EPB41L4B: variants seen among roughly 807,000 people sequenced by gnomAD.
EPB41L4B encodes the protein erythrocyte membrane protein band 4.1 like 4B.
A neutral mutation model predicts 112.5 loss-of-function variants in EPB41L4B; 30 were observed. That is an observed-to-expected ratio of 0.27 (90% CI 0.20 to 0.36). The LOEUF is 0.36. EPB41L4B is among the 10% of genes least tolerant of loss of function. EPB41L4B has a pLI of 1.00. For synonymous variants in EPB41L4B, 408 were observed against 439.7 expected (o/e 0.93, Z 0.90); for missense variants, 1,024 against 1,133.3 (o/e 0.90, Z 1.38).
At chr9:109,267,388 A>G (rs1459763657) in intron 4 of EPB41L4B, 85 bp downstream of exon 4, 6 of 800,306 alleles carry the variant, frequency 7.5e-6, no homozygotes, top group Non-Finnish European at 8.4e-6. Flanking sequence ...ACAGAAGAAG[A>G]GGCAAACCCA....
chr9:109,223,308 T>C (rs1036860744), intron 15 of EPB41L4B, among the ~76,000 whole-genome samples: 1 of 151,884 alleles, frequency 6.6e-6, no homozygotes, highest in South Asian at 2.1e-4. Context: ...TGGTGGCACA[T>C]ACTGTGGTCC....
intron 2 of EPB41L4B, among the ~76,000 whole-genome samples, chr9:109,278,090 G>A (rs1835903748): frequency 6.6e-6 from 1 of 152,192 alleles, no homozygotes; most frequent in Admixed American, 6.5e-5. Flanking sequence ...CAGTCATGAG[G>A]TCAGAGGGTA....
At chr9:109,306,754 C>T (rs569009700) in intron 1 of EPB41L4B, among the ~76,000 whole-genome samples, 1 of 152,164 alleles carries the variant, frequency 6.6e-6, no homozygotes, top group Admixed American at 6.5e-5. Flanking sequence ...TCTAAGCATG[C>T]AGTAAACATC....
intron 20 of EPB41L4B, among the ~76,000 whole-genome samples, chr9:109,199,289 C>T (rs1034918290): frequency 5.3e-5 from 8 of 152,140 alleles, no homozygotes; most frequent in Non-Finnish European, 1.0e-4. Flanking sequence ...CAATGATCCC[C>T]GTCCTAGTAT....
rs1443439947 is a variant in EPB41L4B, at chr9:109,320,823, G to A, written c.-377C>T. Reference sequence around the variant, plus strand: ...CGGGGGCGCGGGAGGCGGGCTGCGGGCTGCTCCCGCGCCGCGCGCCGGCCG... The same window carrying A: ...CGGGGGCGCGGGAGGCGGGCTGCGGACTGCTCCCGCGCCGCGCGCCGGCCG... On this transcript the variant is annotated 5_prime_UTR_variant, in exon 1 of 26. Transcript: ENST00000374566. 6.9e-6 allele frequency: 1 copy of A among 145,382 alleles called. No individual in the cohort carries two copies. The highest frequency in any genetic ancestry group is 1.5e-5 in the Non-Finnish European group (1 of 65,464). 9.0% of individuals were successfully genotyped at this position (145,382 alleles called of 1,614,324 possible).
chr9:109,207,921 C>G lies in EPB41L4B; in HGVS notation c.1878+3G>C. ...ATCAAAGGAATGTATGCATTCTGCG[C>G]ACCTGGATGTTCACTCGGGAAGCAT... On this transcript the variant is annotated splice_donor_region_variant and intron_variant, in intron 18 of 25. Transcript: ENST00000374566. 1 of 1,614,118 alleles carries G rather than the reference C, an allele frequency of 6.2e-7. No individual in the cohort carries two copies. Among genetic ancestry groups the G allele is most frequent in the Middle Eastern group, 1.6e-4 (1 of 6,062 alleles).
chr9:109,221,840 T>C (rs1275126439), intron 15 of EPB41L4B, among the ~76,000 whole-genome samples: 1 of 152,144 alleles, frequency 6.6e-6, no homozygotes, highest in African/African-American at 2.4e-5. Flanking sequence ...TTGGAAAGCT[T>C]TGAGTAAGAG....
intron 16 of EPB41L4B, among the ~76,000 whole-genome samples, chr9:109,216,225 C>T (rs553950719): frequency 6.6e-5 from 10 of 151,986 alleles, no homozygotes; most frequent in African/African-American, 9.6e-5. Context: ...GAGGTGGAGG[C>T]GGGGCACTGT....
At chr9:109,307,577 G>A (rs1035020135) in intron 1 of EPB41L4B, among the ~76,000 whole-genome samples, 2 of 152,198 alleles carry the variant, frequency 1.3e-5, no homozygotes, top group Admixed American at 1.3e-4. Context: ...GATTGTAACC[G>A]ACTGAGCAGA....
chr9:109,301,875 C>T (rs962168187), intron 1 of EPB41L4B, among the ~76,000 whole-genome samples: 12 of 152,070 alleles, frequency 7.9e-5, no homozygotes, highest in Non-Finnish European at 1.5e-4. Flanking sequence ...TGTACCCCAG[C>T]GTGGGAGACT....
chr9:109,265,148 C>A, intron 4 of EPB41L4B, 124 bp from the exon 5 acceptor site: 2 of 737,916 alleles, frequency 2.7e-6, no homozygotes, highest in Non-Finnish European at 4.4e-6. Flanking sequence ...AAAAGGAGTC[C>A]AAATCAAATG....
chr9:109,200,114 G>A, intron 20 of EPB41L4B, 122 bp downstream of exon 20: 1 of 705,856 alleles, frequency 1.4e-6, no homozygotes, highest in Admixed American at 2.7e-5. Context: ...TACCTAAATT[G>A]GAAATAAATG....
intron 24 of EPB41L4B, among the ~76,000 whole-genome samples, chr9:109,179,905 C>T (rs140570178): frequency 6.6e-6 from 1 of 152,158 alleles, no homozygotes; most frequent in African/African-American, 2.4e-5. Flanking sequence ...TGCCTGGATG[C>T]CACTGTCCTC....
intron 1 of EPB41L4B, among the ~76,000 whole-genome samples, chr9:109,318,180 T>TGC (rs1177692282): frequency 2.9e-5 from 4 of 140,032 alleles, no homozygotes; most frequent in Non-Finnish European, 4.7e-5. Flanking sequence ...TGTGTGTGTG[T>TGC]GCACGCGCAT....
At chr9:109,241,391 T>C in intron 15 of EPB41L4B, 1 of 1,189,028 alleles carries the variant, frequency 8.4e-7, no homozygotes, top group Non-Finnish European at 1.0e-6. Context: ...AGTAAAATGA[T>C]AAACATAGAC....
intron 12 of EPB41L4B, among the ~76,000 whole-genome samples, chr9:109,252,433 C>T (rs1319093596): frequency 6.6e-6 from 1 of 152,186 alleles, no homozygotes; most frequent in African/African-American, 2.4e-5. Context: ...CATCCCCTGG[C>T]CTCTCTCGAA....
intron 1 of EPB41L4B, among the ~76,000 whole-genome samples, chr9:109,293,501 G>A (rs1444333605): frequency 6.6e-6 from 1 of 151,520 alleles, no homozygotes; most frequent in Non-Finnish European, 1.5e-5. Flanking sequence ...CCCTGCCTCA[G>A]CCTCCTGAGT....
intron 13 of EPB41L4B, among the ~76,000 whole-genome samples, chr9:109,249,247 A>C (rs532289111): frequency 6.6e-6 from 1 of 151,914 alleles, no homozygotes; most frequent in African/African-American, 2.4e-5. Context: ...TTCAGGGAGG[A>C]CCAGTACACA....
chr9:109,191,403 C>A (rs1832456195), intron 22 of EPB41L4B, among the ~76,000 whole-genome samples: 1 of 152,198 alleles, frequency 6.6e-6, no homozygotes, highest in Non-Finnish European at 1.5e-5. Flanking sequence ...AGCAGTGAAA[C>A]AGGCCCATAC....
Sources: allele counts gnomAD v4.1 joint callset (sites outside exome capture counted in the v4.1 genomes callset), GRCh38; gene constraint gnomAD v4.1.1; transcripts MANE v1.5; gene names NCBI Gene and HGNC (gene_info 2026-07-23, HGNC 2026-07-21).